Variants in DLGAP2 observed in about 807,000 individuals in gnomAD.
DLGAP2 encodes the protein disks large-associated protein 2.
Under a neutral mutation model 100.3 loss-of-function variants are expected in DLGAP2, and 26 were observed. The observed-to-expected ratio is 0.26, with a 90% CI of 0.19 to 0.36. The LOEUF is 0.36. Among genes scored for constraint, DLGAP2 ranks in the 10% least tolerant of loss-of-function variants. DLGAP2 has a pLI of 1.00. For missense variants in DLGAP2, 1,858 were observed against 1,453.2 expected, an observed-to-expected ratio of 1.28 and a Z score of -4.53; for synonymous variants, 886 against 630.1, an observed-to-expected ratio of 1.41 and a Z score of -6.08.
intron 3 of DLGAP2, among the ~76,000 whole-genome samples, chr8:1,413,193 CTGTAGCACCTTTGTA>C (rs1489814375): frequency 6.6e-6 from 1 of 152,176 alleles, no homozygotes; most frequent in Non-Finnish European, 1.5e-5. Context: ...TCCCTCCTCT[CTGTAGCACCTTTGTA>C]TGTTTCAACA....
At chr8:1,042,024 C>G (rs902611278) in intron 2 of DLGAP2, among the ~76,000 whole-genome samples, 1 of 152,198 alleles carries the variant, frequency 6.6e-6, no homozygotes, top group Non-Finnish European at 1.5e-5. Flanking sequence ...CTAGATGGAG[C>G]CGTCGACCTG....
intron 1 of DLGAP2, among the ~76,000 whole-genome samples, chr8:869,047 C>T (rs1284331315): frequency 1.3e-5 from 2 of 152,198 alleles, no homozygotes; most frequent in African/African-American, 2.4e-5. Flanking sequence ...TCCTGAGTAC[C>T]AAGTCAGAAA....
At chr8:1,243,788 C>T (rs1798848280) in intron 2 of DLGAP2, among the ~76,000 whole-genome samples, 1 of 152,178 alleles carries the variant, frequency 6.6e-6, no homozygotes, top group African/African-American at 2.4e-5. Flanking sequence ...GCCACCCACC[C>T]TGCCACCATT....
chr8:1,523,975 T>C (rs1420688382), intron 4 of DLGAP2, among the ~76,000 whole-genome samples: 1 of 152,190 alleles, frequency 6.6e-6, no homozygotes, highest in Non-Finnish European at 1.5e-5. Context: ...AGAATTCGTT[T>C]GGAGACTCCG....
intron 2 of DLGAP2, among the ~76,000 whole-genome samples, chr8:1,185,953 G>A (rs1797494763): frequency 6.6e-6 from 1 of 151,980 alleles, no homozygotes; most frequent in African/African-American, 2.4e-5. Flanking sequence ...ATGATCTCGG[G>A]GCCTCCTGTC....
chr8:1,652,883 T>A (rs1798199542), intron 8 of DLGAP2, among the ~76,000 whole-genome samples: 1 of 152,078 alleles, frequency 6.6e-6, no homozygotes, highest in Non-Finnish European at 1.5e-5. Context: ...CCCATCAGCG[T>A]TCGTATCTCA....
At chr8:1,228,807 C>T (rs1193776479) in intron 2 of DLGAP2, among the ~76,000 whole-genome samples, 2 of 152,076 alleles carry the variant, frequency 1.3e-5, no homozygotes, top group African/African-American at 4.8e-5. Flanking sequence ...ATACGAACAA[C>T]CTATAGTTAA....
chr8:1,045,239 C>T (rs1341860938), intron 2 of DLGAP2, among the ~76,000 whole-genome samples: 3 of 152,286 alleles, frequency 2.0e-5, no homozygotes, highest in East Asian at 3.9e-4. Flanking sequence ...TTTATGAAAG[C>T]GGACAGCGGT....
chr8:1,323,032 A>ATT (rs368233603), intron 3 of DLGAP2, among the ~76,000 whole-genome samples: 41 of 142,432 alleles, frequency 2.9e-4, no homozygotes, highest in South Asian at 9.1e-4. Context: ...TAAACTCACA[A>ATT]TTTTTTTTTT....
chr8:1,234,225 C>T (rs1798596361), intron 2 of DLGAP2, among the ~76,000 whole-genome samples: 1 of 152,192 alleles, frequency 6.6e-6, no homozygotes, highest in Non-Finnish European at 1.5e-5. Flanking sequence ...CTTCTGTAAC[C>T]AGTGGCACAA....
chr8:783,736 A>G (rs1320017805), intron 1 of DLGAP2, among the ~76,000 whole-genome samples: 1 of 152,166 alleles, frequency 6.6e-6, no homozygotes, highest in African/African-American at 2.4e-5. Flanking sequence ...GAAAGAGGGA[A>G]AAGGTGTACC....
In DLGAP2 at chr8:1,671,557, C is replaced by T. The variant is rs1220844066; in HGVS notation, c.2202+1773C>T. Among the ~76,000 whole-genome samples the T allele has an allele frequency of 3.3e-5, 5 of 152,226 alleles. No homozygotes were observed. In the East Asian group the frequency reaches 9.6e-4, roughly 29 times the overall value. On this transcript the variant is annotated intron_variant, in intron 10 of 14. Transcript: ENST00000637795. Reference sequence around the variant, plus strand: ...GGGTGGGGGGTCCTGTCCCACAATGCAACTCCCTTGTTCACAGTGCATTGC... The same window carrying T: ...GGGTGGGGGGTCCTGTCCCACAATGTAACTCCCTTGTTCACAGTGCATTGC...
chr8:1,221,651 T>C (rs1247395142), intron 2 of DLGAP2, among the ~76,000 whole-genome samples: 3 of 152,224 alleles, frequency 2.0e-5, no homozygotes, highest in Non-Finnish European at 2.9e-5. Context: ...TCTCTGGCAA[T>C]GTTGAGGAAA....
At chr8:1,221,585 G>T (rs1001311591) in intron 2 of DLGAP2, among the ~76,000 whole-genome samples, 1 of 151,822 alleles carries the variant, frequency 6.6e-6, no homozygotes, top group Non-Finnish European at 1.5e-5. Flanking sequence ...GGGGATTGTC[G>T]TCTTGTATAT....
intron 4 of DLGAP2, among the ~76,000 whole-genome samples, chr8:1,539,788 A>G (rs916472260): frequency 6.6e-6 from 1 of 152,114 alleles, no homozygotes; most frequent in African/African-American, 2.4e-5. Flanking sequence ...GATGTGTGAC[A>G]CACCTCAGAG....
In DLGAP2 at chr8:1,703,930, A is replaced by G. The variant is rs1403627381; in HGVS notation, c.*2524A>G. On this transcript the variant is annotated 3_prime_UTR_variant, in exon 15 of 15. Coordinates refer to ENST00000637795, the MANE Select transcript of DLGAP2 (RefSeq NM_001346810.2). ...CCTGGTCCGCCATGTTCCAAAGAAGATGATTTAATGGTAGAACGGATACCT... is the reference window on the plus strand; with the variant it reads ...CCTGGTCCGCCATGTTCCAAAGAAGGTGATTTAATGGTAGAACGGATACCT... 2 of 152,640 alleles carry G rather than the reference A, an allele frequency of 1.3e-5. No homozygotes were observed. The highest frequency in any genetic ancestry group is 4.8e-5 in the African/African-American group (2 of 41,436). The allele number at this position is 152,640 out of a possible 1,614,324, so 9.5% of individuals were successfully genotyped here.
At chr8:847,051 T>C (rs1797084570) in intron 1 of DLGAP2, among the ~76,000 whole-genome samples, 1 of 152,216 alleles carries the variant, frequency 6.6e-6, no homozygotes, top group Admixed American at 6.5e-5. Flanking sequence ...TTTTGTACAG[T>C]TGGAATTCTT....
intron 2 of DLGAP2, among the ~76,000 whole-genome samples, chr8:1,083,720 G>C (rs1803882471): frequency 6.6e-6 from 1 of 152,100 alleles, no homozygotes; most frequent in South Asian, 2.1e-4. Flanking sequence ...TCATTTGAAA[G>C]CATTAATTTC....
At chr8:836,071 C>A (rs1796868976) in intron 1 of DLGAP2, among the ~76,000 whole-genome samples, 1 of 152,174 alleles carries the variant, frequency 6.6e-6, no homozygotes, top group African/African-American at 2.4e-5. Context: ...TAAAGGACAC[C>A]CGCAGCCATG....
Sources: gnomAD v4.1 joint callset for allele counts (sites outside exome capture counted in the v4.1 genomes callset) on GRCh38, gnomAD v4.1.1 for gene constraint, MANE v1.5 for transcripts, NCBI Gene and HGNC (gene_info 2026-07-23, HGNC 2026-07-21) for gene names.